The following TMEM132B variants were observed in gnomAD, a reference collection of about 807,000 sequenced individuals.
TMEM132B encodes the protein transmembrane protein 132B.
TMEM132B carries 18 observed loss-of-function variants against 90.8 expected under a neutral mutation model. That is an observed-to-expected ratio of 0.20 (90% CI 0.14 to 0.29). The LOEUF (loss-of-function observed/expected upper bound fraction) is 0.29. Among genes scored for constraint, TMEM132B ranks in the 10% least tolerant of loss-of-function variants. The pLI is 1.00. For synonymous variants in TMEM132B, 504 were observed against 523.3 expected (o/e 0.96, Z 0.50); for missense variants, 1,096 against 1,326.8 (o/e 0.83, Z 2.70).
Position 125,618,979 on chromosome 12 carries a change from G to C in TMEM132B, c.1438-25097G>C, listed in dbSNP as rs368356812. On this transcript the variant is annotated intron_variant, in intron 5 of 8. Transcript: ENST00000682704. ...AAATCTATAAGGAAGTAAGGCAGTT[G>C]GAAGTGCAGTGCTGGGCAGCAAGCA... 2.2e-4 allele frequency among the ~76,000 whole-genome samples: 34 copies of C among 152,260 alleles called. No homozygotes were observed. The South Asian group carries it at 6.8e-3, about 31-fold the overall frequency.
intron 4 of TMEM132B, among the ~76,000 whole-genome samples, chr12:125,548,841 A>G (rs987421679): frequency 3.3e-5 from 5 of 152,206 alleles, no homozygotes; most frequent in African/African-American, 1.2e-4. Flanking sequence ...AGGTCCAGGC[A>G]AGACACGATG....
intron 1 of TMEM132B, among the ~76,000 whole-genome samples, chr12:125,282,027 CAAAAAAAAAAAAA>C (rs869083244): frequency 2.2e-3 from 35 of 16,090 alleles, no homozygotes; most frequent in Middle Eastern, 0.042. Flanking sequence ...GACTCCGTCT[CAAAAAAAAAAAAA>C]AAAAAAAAAA....
intron 4 of TMEM132B, among the ~76,000 whole-genome samples, chr12:125,577,820 A>G (rs576996611): frequency 6.6e-6 from 1 of 151,926 alleles, no homozygotes; most frequent in Non-Finnish European, 1.5e-5. Flanking sequence ...TACTCATCTC[A>G]TAGTATTTTC....
intron 4 of TMEM132B, among the ~76,000 whole-genome samples, chr12:125,578,606 T>A (rs1884985818): frequency 1.3e-5 from 2 of 152,124 alleles, no homozygotes; most frequent in South Asian, 2.1e-4. Flanking sequence ...GGTCTTCTTT[T>A]GGTATTTCTT....
chr12:125,536,672 A>T (rs2136711938), intron 4 of TMEM132B, among the ~76,000 whole-genome samples: 1 of 152,376 alleles, frequency 6.6e-6, no homozygotes, highest in Non-Finnish European at 1.5e-5. Flanking sequence ...CTTCTTTACC[A>T]GATGGATCAT....
At chr12:125,285,356 C>G (rs974278760) in intron 1 of TMEM132B, among the ~76,000 whole-genome samples, 3 of 152,160 alleles carry the variant, frequency 2.0e-5, no homozygotes, top group Non-Finnish European at 4.4e-5. Context: ...GAGGCAAAGA[C>G]ATAGCTAAAG....
At chr12:125,211,783 G>A (rs1423170625) in intron 1 of TMEM132B, among the ~76,000 whole-genome samples, 3 of 152,104 alleles carry the variant, frequency 2.0e-5, no homozygotes, top group African/African-American at 7.2e-5. Flanking sequence ...ATGAGTGAAG[G>A]ATGCCCTCTC....
At chr12:125,230,784 G>A (rs577727739) in intron 1 of TMEM132B, among the ~76,000 whole-genome samples, 3 of 151,922 alleles carry the variant, frequency 2.0e-5, no homozygotes, top group Admixed American at 6.6e-5. Flanking sequence ...GATTACAGGC[G>A]TGAGCCACAC....
intron 2 of TMEM132B, among the ~76,000 whole-genome samples, chr12:125,402,278 C>T (rs769444124): frequency 6.6e-6 from 1 of 152,166 alleles, no homozygotes; most frequent in Non-Finnish European, 1.5e-5. Context: ...CAACCTCCAC[C>T]ACCCGGGTTC....
chr12:125,593,649 G>A (rs1301348526), intron 5 of TMEM132B, among the ~76,000 whole-genome samples: 1 of 152,140 alleles, frequency 6.6e-6, no homozygotes, highest in Admixed American at 6.6e-5. Flanking sequence ...TAACTAGGAG[G>A]GAAGGGGACT....
At chr12:125,379,314 C>T (rs533570058) in intron 2 of TMEM132B, among the ~76,000 whole-genome samples, 3 of 152,110 alleles carry the variant, frequency 2.0e-5, no homozygotes, top group South Asian at 4.2e-4. Flanking sequence ...TTCAATGGGA[C>T]GAGGGAAGCA....
intron 1 of TMEM132B, chr12:125,301,902 A>ACAAAACAAAACAAAG (rs1875835128): frequency 6.8e-6 from 1 of 146,194 alleles, no homozygotes; most frequent in South Asian, 2.2e-4. Context: ...ACAAAACAAA[A>ACAAAACAAAACAAAG]CAAAAAAAGA....
chr12:125,276,553 G>A (rs1471956375), intron 1 of TMEM132B, among the ~76,000 whole-genome samples: 1 of 152,212 alleles, frequency 6.6e-6, no homozygotes, highest in Non-Finnish European at 1.5e-5. Context: ...GTCCGTCAAG[G>A]CTGAATGGCT....
chr12:125,631,090 G>T (rs1158472651), intron 5 of TMEM132B, among the ~76,000 whole-genome samples: 1 of 151,890 alleles, frequency 6.6e-6, no homozygotes, highest in Admixed American at 6.6e-5. Context: ...TTGTTTATTT[G>T]AAGTTTTTCT....
chr12:125,517,288 G>A (rs1045431481), intron 3 of TMEM132B, among the ~76,000 whole-genome samples: 1 of 140,442 alleles, frequency 7.1e-6, no homozygotes, highest in Non-Finnish European at 1.5e-5. Context: ...AGCCTCCTGA[G>A]TAGCTGGGAC....
chr12:125,333,143 G>A (rs1371981147), intron 1 of TMEM132B, among the ~76,000 whole-genome samples: 2 of 152,152 alleles, frequency 1.3e-5, no homozygotes, highest in African/African-American at 2.4e-5. Context: ...GATCTTTGGC[G>A]TTCCTTGGCT....
At chr12:125,515,403 ACATT>A (rs932900585) in intron 3 of TMEM132B, among the ~76,000 whole-genome samples, 1 of 24,842 alleles carries the variant, frequency 4.0e-5, no homozygotes, top group Non-Finnish European at 6.3e-5. Flanking sequence ...TCTCACAAAT[ACATT>A]CAAACATTTG....
rs140113140 is a variant in TMEM132B, at chr12:125,438,275, G to A, written c.1106+22598G>A. On this transcript the variant is annotated intron_variant, in intron 3 of 8. Coordinates refer to ENST00000682704, the MANE Select transcript of TMEM132B (RefSeq NM_001366854.1). ...AGGAGGTTTTTGGAGATTGGCAACG[G>A]CTCTGCATTTAATTCCAGAGAGGTG... Among the ~76,000 whole-genome samples the A allele has an allele frequency of 2.0e-3, 305 of 152,252 alleles. 3 individuals carry two copies. The highest frequency in any genetic ancestry group is 6.8e-3 in the African/African-American group (282 of 41,548).
At chr12:125,234,529 C>T (rs895234370) in intron 1 of TMEM132B, among the ~76,000 whole-genome samples, 27 of 152,130 alleles carry the variant, frequency 1.8e-4, no homozygotes, top group Non-Finnish European at 8.8e-5. Flanking sequence ...CCCCACCTGC[C>T]GAGTCAAGTG....
Sources: gnomAD v4.1 joint callset for allele counts (sites outside exome capture counted in the v4.1 genomes callset) on GRCh38, gnomAD v4.1.1 for gene constraint, MANE v1.5 for transcripts, NCBI Gene and HGNC (gene_info 2026-07-23, HGNC 2026-07-21) for gene names.